CEBPZ: variants seen among roughly 807,000 people sequenced by gnomAD.
The protein encoded by CEBPZ is CCAAT enhancer binding protein zeta.
In CEBPZ, 78 loss-of-function variants were observed where a neutral mutation model predicts 104.5. That is an observed-to-expected ratio of 0.75 (90% CI 0.62 to 0.90). The LOEUF (loss-of-function observed/expected upper bound fraction) is 0.90. CEBPZ is among the 40% of genes least tolerant of loss of function. The pLI, the probability that CEBPZ is intolerant of heterozygous loss-of-function variation, is 0.00. For missense variants in CEBPZ, 1,439 were observed against 1,233.5 expected, an observed-to-expected ratio of 1.17 and a Z score of -2.50; for synonymous variants, 470 against 427.0, an observed-to-expected ratio of 1.10 and a Z score of -1.24.
rs756236129 is a variant in CEBPZ at position 37,201,887 on chromosome 2, T to C, written c.3042A>G (p.Arg1014=). 1.2e-6 allele frequency: 2 copies of C among 1,613,834 alleles called. No individual in the cohort carries two copies. Among genetic ancestry groups the C allele is most frequent in the South Asian group, 1.1e-5 (1 of 91,028 alleles). The stretch of plus-strand genomic sequence containing the variant: ...GCCAGTCATCACGTTCAGCCTCCCA[T>C]CTAAGCTGTTTGAGACCTTTGAGAG... ...NKDNASLKQL[R]WEAERDDWLH... The change falls in exon 16 of 16, where the codon AGA becomes AGG. Residue 1014 remains arginine (R), a synonymous_variant. Coordinates refer to ENST00000234170, the MANE Select transcript of CEBPZ (RefSeq NM_005760.3).
chr2:37,228,597 T>C lies in CEBPZ; in HGVS notation c.596A>G (p.Gln199Arg), dbSNP rs1230078211. 1.9e-6 allele frequency: 3 copies of C among 1,614,220 alleles called. No individual in the cohort carries two copies. Among genetic ancestry groups the C allele is most frequent in the South Asian group, 2.2e-5 (2 of 91,080 alleles). The change falls in exon 2 of 16, where the codon CAG becomes CGG. Residue 199 changes from glutamine (Q) to arginine (R), a missense_variant. Coordinates refer to ENST00000234170, the MANE Select transcript of CEBPZ (RefSeq NM_005760.3). The part of the protein sequence containing the change: ...SNEYSLKPQP[Q>R]DVVSKYKTLA... ...GGTTTTGTACTTAGATACAACATCCTGAGGCTGGGGTTTCAAAGAATATTC... is the reference window on the plus strand; with the variant it reads ...GGTTTTGTACTTAGATACAACATCCCGAGGCTGGGGTTTCAAAGAATATTC...
intron 5 of CEBPZ, among the ~76,000 whole-genome samples, chr2:37,218,666 G>A (rs1392106595): frequency 2.0e-5 from 3 of 152,148 alleles, no homozygotes; most frequent in African/African-American, 7.2e-5. Context: ...CACTTTGGGA[G>A]GCTGAGGTAG....
At chr2:37,206,844 C>T (rs1470045580) in intron 13 of CEBPZ, among the ~76,000 whole-genome samples, 1 of 152,140 alleles carries the variant, frequency 6.6e-6, no homozygotes, top group Non-Finnish European at 1.5e-5. Context: ...TGTAAATGGC[C>T]TAAATGCTCC....
In CEBPZ at chr2:37,223,332, A is replaced by T. The variant is rs774074936; in HGVS notation, c.1719T>A (p.Ser573=). The T allele has an allele frequency of 1.2e-6, 2 of 1,614,186 alleles. No individual in the cohort carries two copies. Among genetic ancestry groups the T allele is most frequent in the Non-Finnish European group, 1.7e-6 (2 of 1,180,012 alleles). ...QAMFLNLVYK[S]LKADIVLRRV... is the part of the protein sequence containing the mutation. ...GGCGCAACACAATGTCAGCTTTCAG[A>T]GATTTGTAGACAAGGTTAAGAAACA... is the stretch of plus-strand genomic sequence containing the variant. The change falls in exon 3 of 16, where the codon TCT becomes TCA. Residue 573 remains serine (S), a synonymous_variant. Coordinates refer to ENST00000234170, the MANE Select transcript of CEBPZ (RefSeq NM_005760.3).
intron 13 of CEBPZ, among the ~76,000 whole-genome samples, chr2:37,205,184 G>A (rs1040140467): frequency 7.9e-5 from 12 of 152,160 alleles, no homozygotes; most frequent in Admixed American, 6.5e-4. Context: ...GTAGGCGTGA[G>A]GCTCTGAAAG....
At chr2:37,206,911 C>T (rs923590370) in intron 13 of CEBPZ, among the ~76,000 whole-genome samples, 3 of 152,190 alleles carry the variant, frequency 2.0e-5, no homozygotes, top group African/African-American at 7.2e-5. Context: ...AGGAGACTCA[C>T]GTAACACATA....
intron 10 of CEBPZ, chr2:37,213,659 C>T (rs1484465884): frequency 1.6e-5 from 7 of 438,822 alleles, no homozygotes; most frequent in Non-Finnish European, 2.4e-5. Context: ...AACAATCTTC[C>T]TGCCTCGGCC....
In CEBPZ at chr2:37,228,325, T is replaced by A; in HGVS notation, c.868A>T (p.Lys290Ter). The change falls in exon 2 of 16, where the codon AAA becomes TAA. Residue 290 changes from lysine to a stop codon, truncating the protein, a stop_gained. Transcript: ENST00000234170. LOFTEE classifies it high-confidence loss of function. ...AAAAGGTCTGTGATAAGCAACTCTT[T>A]GAAAGTATCCAAGGCCATAAGGCAC... ...QQCLMALDTF[K>*]ELLITDLLPD... 6.2e-7 allele frequency: 1 copy of A among 1,614,230 alleles called. No individual in the cohort carries two copies. The highest frequency in any genetic ancestry group is 8.5e-7 in the Non-Finnish European group (1 of 1,180,042).
At position 37,222,386 on chromosome 2, in the gene CEBPZ, A is replaced by G. The variant is rs184657008; in HGVS notation, c.2059T>C (p.Leu687=). The G allele has an allele frequency of 1.3e-6, 2 of 1,576,832 alleles. No individual in the cohort carries two copies. The highest frequency in any genetic ancestry group is 2.4e-5 in the South Asian group (2 of 83,918). ...AAAGATGAAAAAAACTCACCTTTCA[A>G]ATTATCAAAGTGCACCCAGGAAGCA... ...EVASWVHFDN[L]KGGKQLNKYD... is the part of the protein sequence containing the mutation. The change falls in exon 4 of 16, where the codon TTG becomes CTG. Residue 687 remains leucine (L), a synonymous_variant. Coordinates refer to ENST00000234170, the MANE Select transcript of CEBPZ (RefSeq NM_005760.3).
At chr2:37,215,133 C>A (rs967934495) in intron 8 of CEBPZ, among the ~76,000 whole-genome samples, 181 bp from the exon 9 acceptor site, 7 of 152,036 alleles carry the variant, frequency 4.6e-5, no homozygotes, top group African/African-American at 1.7e-4. Flanking sequence ...TGTGAAGACC[C>A]CCCCAACATT....
intron 13 of CEBPZ, among the ~76,000 whole-genome samples, chr2:37,205,869 A>G (rs1677521030): frequency 6.6e-6 from 1 of 152,094 alleles, no homozygotes; most frequent in Admixed American, 6.6e-5. Context: ...AAATGTTAAA[A>G]AACAATTAGC....
intron 13 of CEBPZ, among the ~76,000 whole-genome samples, chr2:37,205,579 C>T (rs925907759): frequency 6.6e-6 from 1 of 152,242 alleles, no homozygotes; most frequent in Non-Finnish European, 1.5e-5. Context: ...GTGAAATAAG[C>T]AGCCTTGTTG....
chr2:37,229,774 C>T lies in CEBPZ; in HGVS notation c.157-738G>A, dbSNP rs559157772. Among the ~76,000 whole-genome samples, 69 of 152,298 alleles carry T rather than the reference C, an allele frequency of 4.5e-4. No individual in the cohort carries two copies. In the South Asian group the frequency reaches 0.014, roughly 31 times the overall value. On this transcript the variant is annotated intron_variant, in intron 1 of 15. Coordinates refer to ENST00000234170, the MANE Select transcript of CEBPZ (RefSeq NM_005760.3). ...CCAGGCTTGAGTACAGTGGCATGAC[C>T]ATGGCTGAACTGCAGCCTCAACCTC...
intron 1 of CEBPZ, 41 bp downstream of exon 1, chr2:37,231,371 C>A (rs765714706): frequency 6.2e-6 from 10 of 1,612,262 alleles, no homozygotes; most frequent in Non-Finnish European, 8.5e-6. Context: ...CTTCGGAACT[C>A]TCCACGCCTG....
chr2:37,222,151 G>T (rs543797892), intron 4 of CEBPZ, among the ~76,000 whole-genome samples: 1 of 152,276 alleles, frequency 6.6e-6, no homozygotes, highest in South Asian at 2.1e-4. Context: ...AGGTGTGGTG[G>T]CACATGCCTG....
intron 2 of CEBPZ, among the ~76,000 whole-genome samples, chr2:37,225,033 C>A (rs1664849401): frequency 7.0e-6 from 1 of 143,674 alleles, no homozygotes; most frequent in Non-Finnish European, 1.5e-5. Context: ...GAAACCACCC[C>A]CCTTCAAAAC....
In CEBPZ at chr2:37,217,033, G is replaced by T; in HGVS notation, c.2159C>A (p.Ser720Tyr). 6.2e-7 allele frequency: 1 copy of T among 1,611,546 alleles called. No individual in the cohort carries two copies. The highest frequency in any genetic ancestry group is 8.5e-7 in the Non-Finnish European group (1 of 1,177,742). ...GGCCACGGAGGGATGAAAATGCACA[G>T]ATAACTAAAAAGAAAAATGTGAATA... ...NTSLWELKKLSVHFHPSVALF... is the reference protein window; with the variant it reads ...NTSLWELKKLYVHFHPSVALF... Residue 720 changes from serine to tyrosine, a missense_variant, in exon 6 of 16, where the codon TCT becomes TAT. Coordinates refer to ENST00000234170, the MANE Select transcript of CEBPZ (RefSeq NM_005760.3).
intron 15 of CEBPZ, chr2:37,202,291 C>T (rs8179716): frequency 2.1e-4 from 34 of 159,966 alleles, no homozygotes; most frequent in Non-Finnish European, 1.1e-4. Context: ...ACATGTTCTC[C>T]TGAGAGAAGA....
At chr2:37,206,375 T>C (rs1168069464) in intron 13 of CEBPZ, among the ~76,000 whole-genome samples, 1 of 152,264 alleles carries the variant, frequency 6.6e-6, no homozygotes, top group Non-Finnish European at 1.5e-5. Context: ...TTTCTTTTTT[T>C]GAGATGGAAT....
Sources: gnomAD v4.1 joint callset for allele counts (sites outside exome capture counted in the v4.1 genomes callset) on GRCh38, gnomAD v4.1.1 for gene constraint, MANE v1.5 for transcripts, NCBI Gene and HGNC (gene_info 2026-07-23, HGNC 2026-07-21) for gene names.